The following EPM2A variants were observed in gnomAD, a reference collection of about 807,000 sequenced individuals.
EPM2A encodes the protein EPM2A glucan phosphatase, laforin.
EPM2A carries 21 observed loss-of-function variants against 26.5 expected under a neutral mutation model. That is an observed-to-expected ratio of 0.79 (90% CI 0.56 to 1.14). EPM2A has a LOEUF of 1.14. Ranked by LOEUF, EPM2A falls within the 50% of genes most tolerant of loss-of-function variation. EPM2A has a pLI of 0.00. For missense variants in EPM2A, 458 were observed against 440.8 expected, an observed-to-expected ratio of 1.04 and a Z score of -0.35; for synonymous variants, 217 against 177.6, an observed-to-expected ratio of 1.22 and a Z score of -1.76.
chr6:145,701,152 T>C (rs189481980), intron 1 of EPM2A, among the ~76,000 whole-genome samples: 1 of 152,334 alleles, frequency 6.6e-6, no homozygotes, highest in Admixed American at 6.5e-5. Flanking sequence ...TCCTAAAATT[T>C]GCCGTAATCA....
At chr6:145,493,574 A>T (rs1317126854) in intron 4 of EPM2A, among the ~76,000 whole-genome samples, 1 of 152,142 alleles carries the variant, frequency 6.6e-6, no homozygotes, top group Admixed American at 6.6e-5. Context: ...CCTGTTTTCC[A>T]GGTGAGTGCT....
chr6:145,732,405 C>A, intron 1 of EPM2A, among the ~76,000 whole-genome samples: 1 of 76,788 alleles, frequency 1.3e-5, no homozygotes, highest in East Asian at 3.9e-4. Context: ...CAGAAACACA[C>A]ACACACATAT....
At chr6:145,475,901 C>A (rs759524580) in intron 4 of EPM2A, among the ~76,000 whole-genome samples, 6 of 151,718 alleles carry the variant, frequency 4.0e-5, no homozygotes, top group Non-Finnish European at 7.4e-5. Context: ...AAACAAATAA[C>A]AAAGTGGCAG....
At chr6:145,523,901 C>A (rs1399271374) in intron 2 of EPM2A, among the ~76,000 whole-genome samples, 1 of 150,382 alleles carries the variant, frequency 6.6e-6, no homozygotes, top group Non-Finnish European at 1.5e-5. Context: ...AGCATAACAC[C>A]CAATAGGTAG....
At chr6:145,434,365 G>A (rs946847323) in intron 4 of EPM2A, among the ~76,000 whole-genome samples, 2 of 151,546 alleles carry the variant, frequency 1.3e-5, no homozygotes, top group African/African-American at 4.9e-5. Flanking sequence ...CTGGGCTCAG[G>A]TGATCCCCCT....
intron 2 of EPM2A, among the ~76,000 whole-genome samples, chr6:145,536,465 T>A (rs1012731648): frequency 6.6e-6 from 1 of 152,048 alleles, no homozygotes; most frequent in African/African-American, 2.4e-5. Context: ...CCGGCTAATT[T>A]TTGTATTTTT....
intron 2 of EPM2A, among the ~76,000 whole-genome samples, chr6:145,649,264 C>A (rs1427747662): frequency 6.6e-6 from 1 of 152,122 alleles, no homozygotes; most frequent in African/African-American, 2.4e-5. Context: ...AAGTATGTCA[C>A]CTTGGACAGG....
chr6:145,606,540 T>C (rs963100446), intron 2 of EPM2A, among the ~76,000 whole-genome samples: 6 of 152,154 alleles, frequency 3.9e-5, no homozygotes, highest in Admixed American at 2.0e-4. Flanking sequence ...ATTTGAGCTA[T>C]GCTAAAACAT....
intron 2 of EPM2A, among the ~76,000 whole-genome samples, chr6:145,519,569 A>G (rs941672098): frequency 1.4e-4 from 21 of 152,200 alleles, no homozygotes; most frequent in Non-Finnish European, 2.9e-5. Context: ...AAGACTGTAT[A>G]GGAAAAAAGA....
chr6:145,486,613 C>T (rs1396908077), intron 4 of EPM2A, among the ~76,000 whole-genome samples: 1 of 152,006 alleles, frequency 6.6e-6, no homozygotes, highest in South Asian at 2.1e-4. Flanking sequence ...TCCCCCAAAC[C>T]CGCTAACCAC....
chr6:145,566,026 A>C (rs1780880205), intron 2 of EPM2A, among the ~76,000 whole-genome samples: 1 of 152,216 alleles, frequency 6.6e-6, no homozygotes, highest in African/African-American at 2.4e-5. Flanking sequence ...AAAATGAATG[A>C]ATGAATGAAT....
chr6:145,469,123 G>A (rs1233602473), intron 4 of EPM2A, among the ~76,000 whole-genome samples: 1 of 152,128 alleles, frequency 6.6e-6, no homozygotes. Context: ...AATTATGGCA[G>A]AAGGCAAAGG....
chr6:145,720,014 A>C (rs1270054960), intron 1 of EPM2A, among the ~76,000 whole-genome samples: 1 of 152,262 alleles, frequency 6.6e-6, no homozygotes, highest in South Asian at 2.1e-4. Flanking sequence ...GTGTTTTTTT[A>C]TGTTTCATTT....
At chr6:145,716,058 T>A (rs1458507069) in intron 1 of EPM2A, among the ~76,000 whole-genome samples, 1 of 152,208 alleles carries the variant, frequency 6.6e-6, no homozygotes, top group East Asian at 1.9e-4. Context: ...AAGTCATCTC[T>A]AGGTTACTTA....
intron 1 of EPM2A, among the ~76,000 whole-genome samples, chr6:145,712,350 A>G (rs1304391611): frequency 1.3e-5 from 2 of 152,186 alleles, no homozygotes; most frequent in Non-Finnish European, 1.5e-5. Flanking sequence ...TTTCCATTCA[A>G]TGGGTGCCAA....
chr6:145,513,906 T>C (rs945958534), intron 2 of EPM2A, among the ~76,000 whole-genome samples: 1 of 152,178 alleles, frequency 6.6e-6, no homozygotes. Flanking sequence ...AAAAGTTTAT[T>C]TCTGTCTCCT....
At chr6:145,415,413 A>G (rs928237067) in intron 4 of EPM2A, among the ~76,000 whole-genome samples, 1 of 152,240 alleles carries the variant, frequency 6.6e-6, no homozygotes, top group Non-Finnish European at 1.5e-5. Context: ...CAGATACTCT[A>G]GCCTTCCACT....
chr6:145,647,517 T>A (rs1433589342), intron 2 of EPM2A, among the ~76,000 whole-genome samples: 2 of 152,252 alleles, frequency 1.3e-5, no homozygotes, highest in Non-Finnish European at 2.9e-5. Flanking sequence ...TATTTCAGGC[T>A]CTGGCCTCTC....
At chr6:145,527,614 G>A (rs996240204) in intron 2 of EPM2A, among the ~76,000 whole-genome samples, 1 of 152,032 alleles carries the variant, frequency 6.6e-6, no homozygotes, top group Non-Finnish European at 1.5e-5. Context: ...GCTCATGTGT[G>A]TGTGTGTGAT....
Sources: gnomAD v4.1 joint callset for allele counts (sites outside exome capture counted in the v4.1 genomes callset) on GRCh38, gnomAD v4.1.1 for gene constraint, MANE v1.5 for transcripts, NCBI Gene and HGNC (gene_info 2026-07-23, HGNC 2026-07-21) for gene names.